The following STOML3 variants were observed in gnomAD, a reference collection of about 807,000 sequenced individuals.
STOML3 encodes stomatin-like protein 3.
A neutral mutation model predicts 29.5 loss-of-function variants in STOML3; 31 were observed. The observed-to-expected ratio is 1.05, with a 90% CI of 0.79 to 1.42. The LOEUF (loss-of-function observed/expected upper bound fraction) is 1.42, where lower values mean the gene tolerates loss of function less well. STOML3 is among the 40% of genes most tolerant of loss of function. The pLI, the probability that STOML3 is intolerant of heterozygous loss-of-function variation, is 0.00. For synonymous variants in STOML3, 122 were observed against 139.8 expected, an observed-to-expected ratio of 0.87 and a Z score of 0.90; for missense variants, 380 against 363.0, an observed-to-expected ratio of 1.05 and a Z score of -0.38.
chr13:38,969,518 T>C (rs1880782839), intron 5 of STOML3, among the ~76,000 whole-genome samples: 1 of 152,202 alleles, frequency 6.6e-6, no homozygotes, highest in Admixed American at 6.5e-5. Context: ...ACCTTTCCTC[T>C]ACTGTAGGGA....
intron 1 of STOML3, among the ~76,000 whole-genome samples, chr13:38,980,853 C>T (rs1269491724): frequency 6.6e-6 from 1 of 152,250 alleles, no homozygotes; most frequent in Non-Finnish European, 1.5e-5. Flanking sequence ...AAGAATCCCT[C>T]GGGCAGTTAC....
chr13:38,968,865 G>T (rs1265551780), intron 5 of STOML3, among the ~76,000 whole-genome samples: 4 of 152,120 alleles, frequency 2.6e-5, no homozygotes, highest in Non-Finnish European at 5.9e-5. Context: ...AAATGTGCTT[G>T]TACCTGGTAT....
chr13:38,981,297 C>A (rs942812752), intron 1 of STOML3, among the ~76,000 whole-genome samples: 3 of 152,116 alleles, frequency 2.0e-5, no homozygotes, highest in South Asian at 2.1e-4. Flanking sequence ...GGAGGCACAT[C>A]CCCAGGGCAT....
chr13:38,972,413 C>A (rs984486656), intron 4 of STOML3, 99 bp downstream of exon 4: 3 of 1,188,110 alleles, frequency 2.5e-6, no homozygotes, highest in East Asian at 2.5e-5. Context: ...GCTCATCTTC[C>A]CTCCTATAGT....
chr13:38,973,337 G>A (rs1275025016), intron 3 of STOML3, among the ~76,000 whole-genome samples: 1 of 152,084 alleles, frequency 6.6e-6, no homozygotes, highest in Admixed American at 6.6e-5. Flanking sequence ...AATGGCATAT[G>A]TCTTAGTCTG....
At chr13:38,973,980 G>A (rs1277166010) in intron 3 of STOML3, among the ~76,000 whole-genome samples, 2 of 152,114 alleles carry the variant, frequency 1.3e-5, no homozygotes, top group African/African-American at 2.4e-5. Context: ...GTATTCCAGA[G>A]TTAATAGTTT....
At chr13:38,986,557 C>A (rs1450368698) in intron 1 of STOML3, among the ~76,000 whole-genome samples, 2 of 152,006 alleles carry the variant, frequency 1.3e-5, no homozygotes, top group Non-Finnish European at 2.9e-5. Flanking sequence ...ATACAGTCAG[C>A]AAATAGAACT....
chr13:38,983,292 C>G (rs1881329308), intron 1 of STOML3, among the ~76,000 whole-genome samples: 1 of 152,216 alleles, frequency 6.6e-6, no homozygotes, highest in Non-Finnish European at 1.5e-5. Context: ...CCACCCCTTG[C>G]TTCAGTAGAG....
At chr13:38,977,092 C>A (rs1302486177) in intron 1 of STOML3, among the ~76,000 whole-genome samples, 1 of 152,138 alleles carries the variant, frequency 6.6e-6, no homozygotes, top group East Asian at 1.9e-4. Flanking sequence ...ATTCTCAAAA[C>A]ACATAAACAG....
intron 1 of STOML3, among the ~76,000 whole-genome samples, chr13:38,977,639 C>T (rs1881126594): frequency 6.6e-6 from 1 of 151,712 alleles, no homozygotes; most frequent in South Asian, 2.1e-4. Flanking sequence ...TGCATTTTGG[C>T]TTAATGAATA....
chr13:38,967,984 G>T (rs1249699204), intron 6 of STOML3, among the ~76,000 whole-genome samples: 3 of 147,420 alleles, frequency 2.0e-5, no homozygotes, highest in Admixed American at 6.9e-5. Flanking sequence ...CAAAAGACAG[G>T]TTCCATGTTG....
chr13:38,990,057 G>T (rs1015326916), intron 1 of STOML3, among the ~76,000 whole-genome samples: 5 of 152,112 alleles, frequency 3.3e-5, no homozygotes, highest in African/African-American at 1.2e-4. Context: ...TTGTAAAATT[G>T]AAAGAGATAA....
chr13:38,966,781 T>C lies in STOML3; in HGVS notation c.*44A>G, dbSNP rs771470258. 6.5e-7 allele frequency: 1 copy of C among 1,528,516 alleles called. No homozygotes were observed. Among genetic ancestry groups the C allele is most frequent in the Non-Finnish European group, 9.0e-7 (1 of 1,105,924 alleles). The allele number at this position is 1,528,516 out of a possible 1,614,324, so 94.7% of individuals were successfully genotyped here. ...CTAACTACTGGCTTCTCCATAGGAA[T>C]AGACACCACTCTCTATGCAATAGCT... On this transcript the variant is annotated 3_prime_UTR_variant, in exon 7 of 7. Transcript: ENST00000379631.
intron 3 of STOML3, among the ~76,000 whole-genome samples, chr13:38,975,502 C>A (rs573489979): frequency 1.3e-5 from 2 of 151,940 alleles, no homozygotes; most frequent in African/African-American, 2.4e-5. Context: ...ACCTTCCAGT[C>A]GCAGAGAGAA....
At chr13:38,988,672 T>A (rs1868845986) in intron 1 of STOML3, among the ~76,000 whole-genome samples, 1 of 134,856 alleles carries the variant, frequency 7.4e-6, no homozygotes, top group Admixed American at 8.5e-5. Context: ...TATATTGAAA[T>A]TTTATATATT....
Position 38,985,911 on chromosome 13 carries a change from C to CTTTTT in STOML3, c.52+4754_52+4758dup, listed in dbSNP as rs1170409048. On this transcript the variant is annotated intron_variant, in intron 1 of 6. Coordinates refer to ENST00000379631, the MANE Select transcript of STOML3 (RefSeq NM_145286.3). ...TTTCTTTTTTTTTTTTCTTTTCTTTCTTTTTTTTTTTTTTTTTTTTTTGTT... is the reference window on the plus strand; with the variant it reads ...TTTCTTTTTTTTTTTTCTTTTCTTTCTTTTTTTTTTTTTTTTTTTTTTTTTTTGTT... Among the ~76,000 whole-genome samples, 801 of 85,544 alleles carry CTTTTT rather than the reference C, an allele frequency of 9.4e-3. 2 individuals carry two copies. The highest frequency in any genetic ancestry group is 0.011 in the Non-Finnish European group (534 of 48,604). The allele number at this position is 85,544 out of a possible 152,430, so 56.1% of individuals were successfully genotyped here. A position where few individuals can be genotyped will look rare whatever the true frequency, so the allele number is the denominator to read the frequency against.
At chr13:38,990,576 A>T in intron 1 of STOML3, 94 bp downstream of exon 1, 1 of 1,254,180 alleles carries the variant, frequency 8.0e-7, no homozygotes, top group Admixed American at 2.0e-5. Flanking sequence ...CTGCAAATAT[A>T]TCTCATACTT....
At chr13:38,978,224 G>A (rs1005172581) in intron 1 of STOML3, among the ~76,000 whole-genome samples, 3 of 151,908 alleles carry the variant, frequency 2.0e-5, no homozygotes, top group Non-Finnish European at 4.4e-5. Flanking sequence ...CGCAATCTCG[G>A]CTCACTGCAA....
chr13:38,980,020 CAAGT>C (rs1325492129), intron 1 of STOML3: 56 of 1,548,598 alleles, frequency 3.6e-5, no homozygotes, highest in South Asian at 8.3e-5. Flanking sequence ...GCTGCACAAG[CAAGT>C]GTTTGTCACA....
Sources: gnomAD v4.1 joint callset for allele counts (sites outside exome capture counted in the v4.1 genomes callset) on GRCh38, gnomAD v4.1.1 for gene constraint, MANE v1.5 for transcripts, NCBI Gene and HGNC (gene_info 2026-07-23, HGNC 2026-07-21) for gene names.